The following BHMT variants were observed in gnomAD, a reference collection of about 807,000 sequenced individuals.
BHMT encodes betaine--homocysteine S-methyltransferase 1.
A neutral mutation model predicts 49.5 loss-of-function variants in BHMT; 38 were observed. That is an observed-to-expected ratio of 0.77 (90% CI 0.59 to 1.01). The LOEUF (loss-of-function observed/expected upper bound fraction) is 1.01, where lower values mean the gene tolerates loss of function less well. Ranked by LOEUF, BHMT falls within the 50% of genes least tolerant of loss-of-function variation. BHMT has a pLI of 0.00. For missense variants in BHMT, 426 were observed against 495.7 expected (o/e 0.86, Z 1.34); for synonymous variants, 166 against 176.3 (o/e 0.94, Z 0.46).
Position 79,121,198 on chromosome 5 carries a change from C to T in BHMT, c.478-20C>T, listed in dbSNP as rs766372376. 6.2e-7 allele frequency: 1 copy of T among 1,609,882 alleles called. No individual in the cohort carries two copies. Among genetic ancestry groups the T allele is most frequent in the Non-Finnish European group, 8.5e-7 (1 of 1,177,820 alleles). ...TGGGAGAAACGAGATTAAAAGTACT[C>T]TAACCTTAACTGATTCCAGTATTTT... On this transcript the variant is annotated intron_variant, in intron 4 of 7. Transcript: ENST00000274353.
In BHMT at chr5:79,118,694, C is replaced by T. The variant is rs538602461; in HGVS notation, c.167-565C>T. Among the ~76,000 whole-genome samples, 16 of 152,302 alleles carry T rather than the reference C, an allele frequency of 1.1e-4. 1 individual carries two copies. Among genetic ancestry groups the T allele is most frequent in the Admixed American group, 4.6e-4 (7 of 15,302 alleles). ...CTTGTCATTCCCCCAAATGCCATGCCTGTTCCCGCTTTATTATCTTTGCTC... is the reference window on the plus strand; with the variant it reads ...CTTGTCATTCCCCCAAATGCCATGCTTGTTCCCGCTTTATTATCTTTGCTC... On this transcript the variant is annotated intron_variant, in intron 2 of 7. Transcript: ENST00000274353.
At chr5:79,123,845 C>T (rs1314261154) in intron 5 of BHMT, among the ~76,000 whole-genome samples, 1 of 152,104 alleles carries the variant, frequency 6.6e-6, no homozygotes, top group African/African-American at 2.4e-5. Flanking sequence ...AGCTACTGCA[C>T]CTGGCCCAAA....
Position 79,127,762 on chromosome 5 carries a change from A to G in BHMT, c.816A>G (p.Glu272=). Residue 272 remains glutamate, a synonymous_variant, in exon 7 of 8, where the codon GAA becomes GAG. Coordinates refer to ENST00000274353, the MANE Select transcript of BHMT (RefSeq NM_001713.3). The part of the protein sequence containing the change: ...IDLPEFPFGL[E]PRVATRWDIQ... ...TAATGCCACTTATTACAGGACTGGA[A>G]CCCAGAGTTGCCACCAGATGGGATA... 5.0e-6 allele frequency: 8 copies of G among 1,614,050 alleles called. No homozygotes were observed. The highest frequency in any genetic ancestry group is 6.8e-6 in the Non-Finnish European group (8 of 1,179,900).
intron 7 of BHMT, among the ~76,000 whole-genome samples, chr5:79,130,676 G>A (rs1386062485): frequency 1.8e-5 from 2 of 109,466 alleles, no homozygotes; most frequent in African/African-American, 6.3e-5. Context: ...ATTAATGTGT[G>A]GATAAGTGTA....
At chr5:79,118,252 G>A (rs1756416291) in intron 2 of BHMT, among the ~76,000 whole-genome samples, 1 of 152,106 alleles carries the variant, frequency 6.6e-6, no homozygotes. Flanking sequence ...GATCACTTGA[G>A]GTCAGTAGTT....
intron 2 of BHMT, among the ~76,000 whole-genome samples, chr5:79,118,197 G>C (rs1756414887): frequency 2.0e-5 from 3 of 152,110 alleles, no homozygotes; most frequent in Non-Finnish European, 4.4e-5. Flanking sequence ...CCATTTGGAG[G>C]CCTCACGCCT....
At chr5:79,116,762 A>G (rs1191238627) in intron 2 of BHMT, among the ~76,000 whole-genome samples, 1 of 152,240 alleles carries the variant, frequency 6.6e-6, no homozygotes, top group Non-Finnish European at 1.5e-5. Flanking sequence ...TGATTTTAAA[A>G]TAAGTAATAT....
At chr5:79,125,904 CTG>C in intron 5 of BHMT, 140 bp from the exon 6 acceptor site, 4 of 789,544 alleles carry the variant, frequency 5.1e-6, no homozygotes, top group Non-Finnish European at 8.0e-6. Context: ...GATCACGCTA[CTG>C]CACTCCAGCC....
chr5:79,121,585 C>T (rs889697465), intron 5 of BHMT, among the ~76,000 whole-genome samples: 3 of 152,114 alleles, frequency 2.0e-5, no homozygotes, highest in South Asian at 2.1e-4. Flanking sequence ...GAGGCAGAGA[C>T]GGGTGGATCA....
chr5:79,112,730 T>A (rs575652946), intron 1 of BHMT, among the ~76,000 whole-genome samples: 1 of 152,158 alleles, frequency 6.6e-6, no homozygotes, highest in Non-Finnish European at 1.5e-5. Flanking sequence ...AACAAGTCCA[T>A]CTCTTGGCTA....
intron 1 of BHMT, 42 bp downstream of exon 1, chr5:79,111,960 C>T (rs752842669): frequency 3.6e-5 from 56 of 1,540,304 alleles, no homozygotes; most frequent in Non-Finnish European, 4.7e-5. Flanking sequence ...CTTCCCCTCC[C>T]ACCTGCTCTG....
chr5:79,117,383 T>A (rs984900052), intron 2 of BHMT, among the ~76,000 whole-genome samples: 11 of 152,282 alleles, frequency 7.2e-5, no homozygotes, highest in African/African-American at 2.6e-4. Context: ...TCTGGGTTTA[T>A]CTGATTGATA....
At chr5:79,130,432 C>T (rs1392879710) in intron 7 of BHMT, among the ~76,000 whole-genome samples, 1 of 152,084 alleles carries the variant, frequency 6.6e-6, no homozygotes, top group African/African-American at 2.4e-5. Flanking sequence ...GGACCGCTTC[C>T]CAGTCCCTCA....
At chr5:79,114,875 A>G (rs1756362199) in intron 1 of BHMT, among the ~76,000 whole-genome samples, 1 of 152,224 alleles carries the variant, frequency 6.6e-6, no homozygotes, top group Non-Finnish European at 1.5e-5. Flanking sequence ...ATTAAACTAG[A>G]GAATTACTTT....
In BHMT at chr5:79,131,961, C is replaced by T. The variant is rs1756649407; in HGVS notation, c.*845C>T. ...CTCTCCATCCTAGTCAACACTGGAT[C>T]CACCTAGTGCCTCTGGGCCATAAGG... On this transcript the variant is annotated 3_prime_UTR_variant, in exon 8 of 8. Coordinates refer to ENST00000274353, the MANE Select transcript of BHMT (RefSeq NM_001713.3). The T allele has an allele frequency of 6.6e-6, 1 of 152,198 alleles. No individual in the cohort carries two copies. Among genetic ancestry groups the T allele is most frequent in the African/African-American group, 2.4e-5 (1 of 41,434 alleles). The allele number at this position is 152,198 out of a possible 1,614,324, so 9.4% of individuals were successfully genotyped here. A position where few individuals can be genotyped will look rare whatever the true frequency, so the allele number is the denominator to read the frequency against.
Position 79,120,787 on chromosome 5 carries a change from C to T in BHMT, c.477+246C>T, listed in dbSNP as rs1278176733. On this transcript the variant is annotated intron_variant, in intron 4 of 7. Coordinates refer to ENST00000274353, the MANE Select transcript of BHMT (RefSeq NM_001713.3). ...ATCATTCTATTTCATTTTAAAAATGCTAATGGGTCACAATTCAAAGTTTGA... is the reference window on the plus strand; with the variant it reads ...ATCATTCTATTTCATTTTAAAAATGTTAATGGGTCACAATTCAAAGTTTGA... 3.9e-5 allele frequency among the ~76,000 whole-genome samples: 6 copies of T among 152,244 alleles called. No homozygotes were observed. The South Asian group carries it at 1.2e-3, about 32-fold the overall frequency.
chr5:79,116,217 C>G (rs766086041), intron 2 of BHMT: 50 of 178,692 alleles, frequency 2.8e-4, no homozygotes, highest in Non-Finnish European at 5.0e-4. Flanking sequence ...TTGATGGAAA[C>G]CCCTGAAGAG....
intron 1 of BHMT, 129 bp from the exon 2 acceptor site, chr5:79,115,638 T>C: frequency 9.5e-7 from 1 of 1,056,588 alleles, no homozygotes; most frequent in Non-Finnish European, 1.3e-6. Flanking sequence ...ATATATAAAA[T>C]ATACATTTTT....
intron 4 of BHMT, 126 bp from the exon 5 acceptor site, chr5:79,121,092 A>C (rs534211236): frequency 4.3e-6 from 5 of 1,150,060 alleles, no homozygotes; most frequent in Non-Finnish European, 4.9e-6. Context: ...CAAATGTTGC[A>C]GTGAGCCGAA....
Sources: gnomAD v4.1 joint callset for allele counts (sites outside exome capture counted in the v4.1 genomes callset) on GRCh38, gnomAD v4.1.1 for gene constraint, MANE v1.5 for transcripts, NCBI Gene and HGNC (gene_info 2026-07-23, HGNC 2026-07-21) for gene names.